The following CNTN5 variants were observed in gnomAD, a reference collection of about 807,000 sequenced individuals.
CNTN5 encodes contactin-5.
CNTN5 carries 77 observed loss-of-function variants against 129.1 expected under a neutral mutation model. The ratio of observed to expected loss-of-function variants is 0.60; its 90% CI spans 0.50 to 0.72. The LOEUF is 0.72. Among genes scored for constraint, CNTN5 ranks in the 30% least tolerant of loss-of-function variants. The pLI is 0.00. For synonymous variants in CNTN5, 509 were observed against 465.6 expected (o/e 1.09, Z -1.20); for missense variants, 1,478 against 1,328.8 (o/e 1.11, Z -1.75).
At chr11:99,358,255 ATTT>A (rs1186386021) in intron 2 of CNTN5, among the ~76,000 whole-genome samples, 13 of 46,920 alleles carry the variant, frequency 2.8e-4, no homozygotes, top group Admixed American at 5.7e-4. Flanking sequence ...CGCCCTGCTG[ATTT>A]TTTTTTTTTT....
intron 2 of CNTN5, among the ~76,000 whole-genome samples, chr11:99,486,609 A>T (rs1591145971): frequency 6.6e-6 from 1 of 152,304 alleles, no homozygotes; most frequent in East Asian, 1.9e-4. Context: ...GTAAAATTGA[A>T]ATATAAAACA....
intron 3 of CNTN5, among the ~76,000 whole-genome samples, chr11:99,779,619 A>C (rs1565521430): frequency 1.3e-5 from 2 of 152,102 alleles, no homozygotes; most frequent in South Asian, 4.2e-4. Context: ...AATTTCTTCA[A>C]ATTCTAACAG....
chr11:99,917,435 C>A (rs1158563839), intron 7 of CNTN5, among the ~76,000 whole-genome samples: 3 of 152,038 alleles, frequency 2.0e-5, no homozygotes, highest in Middle Eastern at 3.4e-3. Flanking sequence ...AAGTGTATAG[C>A]ATTAATATAA....
At chr11:99,692,026 G>C (rs551967696) in intron 3 of CNTN5, among the ~76,000 whole-genome samples, 2 of 152,002 alleles carry the variant, frequency 1.3e-5, no homozygotes, top group Non-Finnish European at 2.9e-5. Flanking sequence ...ATCTTTCTTG[G>C]TTTAGTGTCT....
At chr11:100,152,851 G>A (rs1947114920) in intron 13 of CNTN5, among the ~76,000 whole-genome samples, 1 of 151,956 alleles carries the variant, frequency 6.6e-6, no homozygotes, top group Non-Finnish European at 1.5e-5. Flanking sequence ...GGAAACTAAG[G>A]TTCAGAAAGT....
rs562044298 is a variant in CNTN5, at chr11:99,553,809, AAG to A, written c.-70-2326_-70-2325del. On this transcript the variant is annotated intron_variant, in intron 2 of 24. Transcript: ENST00000524871. ...CTAGAAAGAGACAGAAAGGGAGAAA[AAG>A]AGAGAGAGAATAAGGGAGGAGAGCA... Among the ~76,000 whole-genome samples, 373 of 152,134 alleles carry A rather than the reference AAG, an allele frequency of 2.5e-3. 3 individuals carry two copies. Among genetic ancestry groups the A allele is most frequent in the African/African-American group, 8.4e-3 (351 of 41,550 alleles).
At chr11:99,963,123 A>G (rs1484092248) in intron 8 of CNTN5, among the ~76,000 whole-genome samples, 1 of 152,118 alleles carries the variant, frequency 6.6e-6, no homozygotes. Flanking sequence ...GTTCAATCTG[A>G]TGGTAGTTTC....
chr11:99,558,100 A>C (rs1212842552), intron 3 of CNTN5: 1 of 169,734 alleles, frequency 5.9e-6, no homozygotes, highest in Non-Finnish European at 1.3e-5. Context: ...GGTATCTCAA[A>C]GGCATTAAGA....
chr11:99,133,461 A>G (rs7480134), intron 1 of CNTN5, among the ~76,000 whole-genome samples: 135,753 of 151,676 alleles, frequency 0.9, 60,902 homozygotes, highest in East Asian at 0.99. Context: ...TCATCAGGGC[A>G]AACAGACAAC....
At chr11:99,154,046 T>G (rs1860209324) in intron 1 of CNTN5, among the ~76,000 whole-genome samples, 1 of 152,134 alleles carries the variant, frequency 6.6e-6, no homozygotes, top group African/African-American at 2.4e-5. Context: ...GTTCCCCATC[T>G]GCTGACGAAA....
At chr11:99,157,253 AT>A (rs762593123) in intron 1 of CNTN5, among the ~76,000 whole-genome samples, 16 of 152,022 alleles carry the variant, frequency 1.1e-4, no homozygotes, top group Non-Finnish European at 2.1e-4. Context: ...ATGTATTTTG[AT>A]TTTTAATAGC....
At chr11:100,090,999 C>G (rs1314446928) in intron 13 of CNTN5, among the ~76,000 whole-genome samples, 3 of 152,068 alleles carry the variant, frequency 2.0e-5, no homozygotes, top group East Asian at 3.9e-4. Context: ...CTTTTTGAAA[C>G]TTTCCAATGG....
At chr11:100,238,511 G>A (rs1472506358) in intron 16 of CNTN5, among the ~76,000 whole-genome samples, 2 of 146,618 alleles carry the variant, frequency 1.4e-5, no homozygotes, top group African/African-American at 2.5e-5. Context: ...GGAGGAGAAG[G>A]GGGAAGAGGA....
chr11:99,268,551 G>T (rs1469051861), intron 1 of CNTN5, among the ~76,000 whole-genome samples: 5 of 151,790 alleles, frequency 3.3e-5, no homozygotes, highest in African/African-American at 4.8e-5. Flanking sequence ...ACCCTGAAAG[G>T]TGTTTATTCA....
chr11:99,178,801 ATTAT>A (rs913737205), intron 1 of CNTN5, among the ~76,000 whole-genome samples: 26 of 152,196 alleles, frequency 1.7e-4, no homozygotes, highest in Non-Finnish European at 2.4e-4. Flanking sequence ...ATATTATATA[ATTAT>A]TTAATGTAAA....
intron 2 of CNTN5, among the ~76,000 whole-genome samples, chr11:99,547,955 T>G (rs1019675372): frequency 6.6e-6 from 1 of 152,146 alleles, no homozygotes; most frequent in Non-Finnish European, 1.5e-5. Context: ...AGCTTCGTTA[T>G]CTGTAAAATG....
intron 6 of CNTN5, among the ~76,000 whole-genome samples, chr11:99,867,313 G>T (rs1948383340): frequency 6.6e-6 from 1 of 152,188 alleles, no homozygotes; most frequent in South Asian, 2.1e-4. Flanking sequence ...CTATGCGCCA[G>T]TACCATGCTG....
chr11:100,309,684 A>C, intron 21 of CNTN5: 1 of 984,868 alleles, frequency 1.0e-6, no homozygotes, highest in Non-Finnish European at 1.2e-6. Context: ...GACCACAATA[A>C]ATATGTTGAA....
At chr11:100,178,962 T>C (rs1948053015) in intron 13 of CNTN5, among the ~76,000 whole-genome samples, 1 of 152,134 alleles carries the variant, frequency 6.6e-6, no homozygotes, top group Non-Finnish European at 1.5e-5. Flanking sequence ...TTTTTGTGGG[T>C]ACATCAGAGG....
Sources: gnomAD v4.1 joint callset for allele counts (sites outside exome capture counted in the v4.1 genomes callset) on GRCh38, gnomAD v4.1.1 for gene constraint, MANE v1.5 for transcripts, NCBI Gene and HGNC (gene_info 2026-07-23, HGNC 2026-07-21) for gene names.